Variants in USH2A observed in about 807,000 individuals in gnomAD.
The protein encoded by USH2A is Usher syndrome 2A (autosomal recessive, mild).
USH2A carries 443 observed loss-of-function variants against 538.9 expected under a neutral mutation model. The observed-to-expected ratio is 0.82, with a 90% CI of 0.76 to 0.89. USH2A has a LOEUF of 0.89. Ranked by LOEUF, USH2A falls within the 40% of genes least tolerant of loss-of-function variation. USH2A has a pLI of 0.00. For synonymous variants in USH2A, 2,413 were observed against 2,273.5 expected (o/e 1.06, Z -1.75); for missense variants, 6,633 against 6,324.8 (o/e 1.05, Z -1.65).
chr1:215,918,547 C>T (rs962458413), intron 38 of USH2A, among the ~76,000 whole-genome samples: 1 of 152,098 alleles, frequency 6.6e-6, no homozygotes, highest in Non-Finnish European at 1.5e-5. Context: ...GTGTGAAATA[C>T]TTTTCTGTTG....
chr1:215,786,716 G>A lies in USH2A; in HGVS notation c.10341C>T (p.Ala3447=), dbSNP rs372015149. ...KASIEEMCSS[A]EETIHTGSVN... ...CACTCCCTGTATGAATGGTTTCTTC[G>A]GCAGATGAACACATTTCTTCAATTG... The change falls in exon 52 of 72, where the codon GCC becomes GCT. Residue 3447 remains alanine, a synonymous_variant. Coordinates refer to ENST00000307340, the MANE Select transcript of USH2A (RefSeq NM_206933.4). 7.2e-5 allele frequency: 116 copies of A among 1,613,878 alleles called. No individual in the cohort carries two copies. The highest frequency in any genetic ancestry group is 3.2e-4 in the African/African-American group (24 of 74,972).
At chr1:215,912,439 G>A in intron 38 of USH2A, among the ~76,000 whole-genome samples, 1 of 59,818 alleles carries the variant, frequency 1.7e-5, no homozygotes, top group South Asian at 5.5e-4. Flanking sequence ...TTTGAGGGTA[G>A]GTAGTAGGTA....
Position 216,247,075 on chromosome 1 carries a change from T to C in USH2A, c.2319A>G (p.Lys773=), listed in dbSNP as rs374569495. The change falls in exon 13 of 72, where the codon AAA becomes AAG. Residue 773 remains lysine, a synonymous_variant. Transcript: ENST00000307340. ...SGQCECKKEA[K]GLQCDTCREN... ...CTCTGCAGGTGTCACACTGAAGTCC[T>C]TTGGCTTCTTTTTTGCACTCACACT... 1 of 1,614,064 alleles carries C rather than the reference T, an allele frequency of 6.2e-7. No homozygotes were observed. Among genetic ancestry groups the C allele is most frequent in the Non-Finnish European group, 8.5e-7 (1 of 1,179,968 alleles).
intron 49 of USH2A, among the ~76,000 whole-genome samples, chr1:215,808,448 T>C (rs1181057149): frequency 6.6e-6 from 1 of 152,120 alleles, no homozygotes; most frequent in Admixed American, 6.6e-5. Context: ...AAATATTTCA[T>C]TTAAAAATAT....
chr1:216,190,498 G>GTTTTTT, intron 19 of USH2A, 131 bp from the exon 20 acceptor site: 1 of 934,296 alleles, frequency 1.1e-6, no homozygotes, highest in Non-Finnish European at 1.5e-6. Context: ...TAGGAAAAGG[G>GTTTTTT]TTTTTTTTTT....
chr1:215,814,386 CTTA>C (rs1662798192), intron 48 of USH2A, among the ~76,000 whole-genome samples: 3 of 149,950 alleles, frequency 2.0e-5, no homozygotes, highest in Admixed American at 2.0e-4. Flanking sequence ...TAAACAAAGT[CTTA>C]TTGTTGGGAT....
At chr1:215,739,678 A>C (rs1289171032) in intron 60 of USH2A, among the ~76,000 whole-genome samples, 2 of 152,232 alleles carry the variant, frequency 1.3e-5, no homozygotes, top group Non-Finnish European at 2.9e-5. Context: ...TTATTCTTCA[A>C]ATTAATGTTT....
At position 215,799,003 on chromosome 1, in the gene USH2A, C is replaced by G. The variant is rs1334903455; in HGVS notation, c.9862G>C (p.Asp3288His). The G allele has an allele frequency of 1.1e-5, 17 of 1,613,992 alleles. No homozygotes were observed. Among genetic ancestry groups the G allele is most frequent in the Non-Finnish European group, 1.4e-5 (16 of 1,180,012 alleles). ...NQICCAGRLH[D>H]GHGQKCCGRQ... Reference sequence around the variant, plus strand: ...CCACAGCACTTCTGGCCATGGCCATCATGAAGCCTCCCAGCACAGCAAATC... The same window carrying G: ...CCACAGCACTTCTGGCCATGGCCATGATGAAGCCTCCCAGCACAGCAAATC... The change falls in exon 50 of 72, where the codon GAT becomes CAT. Residue 3288 changes from aspartate to histidine, a missense_variant. Transcript: ENST00000307340.
chr1:215,718,623 G>A (rs1331489867), intron 61 of USH2A, among the ~76,000 whole-genome samples: 1 of 152,198 alleles, frequency 6.6e-6, no homozygotes, highest in Non-Finnish European at 1.5e-5. Context: ...AACAGCTGCT[G>A]AATTTCACTT....
intron 3 of USH2A, among the ~76,000 whole-genome samples, chr1:216,375,411 T>C (rs750780893): frequency 6.6e-6 from 1 of 152,202 alleles, no homozygotes; most frequent in South Asian, 2.1e-4. Flanking sequence ...CTTGCACTTT[T>C]ATGTTATGGA....
Position 215,623,538 on chromosome 1 carries a change from A to G in USH2A, c.*2243T>C, listed in dbSNP as rs1655880038. 1 of 152,122 alleles carries G rather than the reference A, an allele frequency of 6.6e-6. No homozygotes were observed. The highest frequency in any genetic ancestry group is 1.5e-5 in the Non-Finnish European group (1 of 67,980). The allele number at this position is 152,122 out of a possible 1,614,324, so 9.4% of individuals were successfully genotyped here. A position where few individuals can be genotyped will look rare whatever the true frequency, so the allele number is the denominator to read the frequency against. The stretch of plus-strand genomic sequence containing the variant: ...CTTGGCACGCAATACCACTTAAAGT[A>G]GCAAAGCAACATCTTAGAGTTCTTC... On this transcript the variant is annotated 3_prime_UTR_variant, in exon 72 of 72. Coordinates refer to ENST00000307340, the MANE Select transcript of USH2A (RefSeq NM_206933.4).
intron 15 of USH2A, among the ~76,000 whole-genome samples, chr1:216,212,715 A>G (rs912797738): frequency 1.3e-5 from 2 of 151,004 alleles, no homozygotes; most frequent in African/African-American, 4.9e-5. Flanking sequence ...GCATGCACAT[A>G]TGTATGTAGG....
At chr1:215,961,158 A>G (rs536864497) in intron 37 of USH2A, among the ~76,000 whole-genome samples, 9 of 152,006 alleles carry the variant, frequency 5.9e-5, no homozygotes, top group Non-Finnish European at 1.0e-4. Context: ...TCTAATAGAT[A>G]TAAACATTTA....
chr1:216,234,210 A>G (rs1167618365), intron 13 of USH2A, among the ~76,000 whole-genome samples: 1 of 152,164 alleles, frequency 6.6e-6, no homozygotes, highest in Non-Finnish European at 1.5e-5. Flanking sequence ...ATAGTTACCA[A>G]CAATTGGGTT....
chr1:216,058,416 A>G (rs2031057156), intron 30 of USH2A, among the ~76,000 whole-genome samples: 1 of 149,274 alleles, frequency 6.7e-6, no homozygotes, highest in Admixed American at 6.6e-5. Context: ...TTACAATGAT[A>G]GGGCCTAGCA....
intron 71 of USH2A, among the ~76,000 whole-genome samples, chr1:215,626,252 A>G (rs1322081039): frequency 6.7e-6 from 1 of 150,002 alleles, no homozygotes; most frequent in South Asian, 2.1e-4. Context: ...TATACACACT[A>G]TATAGACACT....
chr1:216,360,698 G>A, intron 4 of USH2A, among the ~76,000 whole-genome samples: 1 of 125,138 alleles, frequency 8.0e-6, no homozygotes. Flanking sequence ...CTCTAAAATT[G>A]CTCTAAAAAA....
chr1:215,777,820 T>C (rs1198933532), intron 55 of USH2A, among the ~76,000 whole-genome samples: 1 of 152,214 alleles, frequency 6.6e-6, no homozygotes, highest in African/African-American at 2.4e-5. Context: ...GTTGGCTTTC[T>C]TCTTCATCTT....
chr1:215,818,401 ATTCT>A (rs955479168), intron 47 of USH2A, among the ~76,000 whole-genome samples: 27 of 151,520 alleles, frequency 1.8e-4, no homozygotes, highest in African/African-American at 6.6e-4. Context: ...ATCTAAATAG[ATTCT>A]TTTTTTTTTC....
Sources: gnomAD v4.1 joint callset for allele counts (sites outside exome capture counted in the v4.1 genomes callset) on GRCh38, gnomAD v4.1.1 for gene constraint, MANE v1.5 for transcripts, NCBI Gene and HGNC (gene_info 2026-07-23, HGNC 2026-07-21) for gene names.